The following POU6F2 variants were observed in gnomAD, a reference collection of about 807,000 sequenced individuals.
The protein encoded by POU6F2 is POU domain, class 6, transcription factor 2.
In POU6F2, 31 loss-of-function variants were observed where a neutral mutation model predicts 71.3. The observed-to-expected ratio is 0.43, with a 90% confidence interval of 0.33 to 0.59. The LOEUF is 0.59. Among genes scored for constraint, POU6F2 ranks in the 20% least tolerant of loss-of-function variants. The pLI, the probability that POU6F2 is intolerant of heterozygous loss-of-function variation, is 0.04. For synonymous variants in POU6F2, 347 were observed against 355.7 expected (o/e 0.98, Z 0.27); for missense variants, 783 against 856.8 (o/e 0.91, Z 1.07).
At chr7:39,307,908 T>C (rs1785077891) in intron 4 of POU6F2, among the ~76,000 whole-genome samples, 1 of 150,754 alleles carries the variant, frequency 6.6e-6, no homozygotes, top group South Asian at 2.1e-4. Context: ...TGAGCAGAGA[T>C]CGCGCCACTG....
chr7:39,386,897 T>G (rs1250878165), intron 5 of POU6F2, among the ~76,000 whole-genome samples: 1 of 152,182 alleles, frequency 6.6e-6, no homozygotes, highest in Non-Finnish European at 1.5e-5. Context: ...TAATAGTCAA[T>G]GTCGTGCTCC....
intron 5 of POU6F2, among the ~76,000 whole-genome samples, chr7:39,352,558 G>A (rs111491643): frequency 0.043 from 6,484 of 152,170 alleles, 180 homozygotes; most frequent in African/African-American, 0.078. Flanking sequence ...GTGGTGGTTC[G>A]GAGAAATTCC....
chr7:39,387,300 A>G (rs1786966082), intron 5 of POU6F2, among the ~76,000 whole-genome samples: 1 of 152,212 alleles, frequency 6.6e-6, no homozygotes, highest in Non-Finnish European at 1.5e-5. Flanking sequence ...ACCTACCAGT[A>G]CTAAGAACCA....
chr7:39,327,857 A>G (rs561981409), intron 4 of POU6F2, among the ~76,000 whole-genome samples: 214 of 150,836 alleles, frequency 1.4e-3, no homozygotes, highest in African/African-American at 4.8e-3. Context: ...TTTGTGTCAA[A>G]AAAAAAAAAA....
At chr7:39,309,150 G>T (rs1785107622) in intron 4 of POU6F2, among the ~76,000 whole-genome samples, 1 of 152,322 alleles carries the variant, frequency 6.6e-6, no homozygotes, top group East Asian at 1.9e-4. Context: ...AGGGAGTCGG[G>T]CACAGAATAT....
intron 5 of POU6F2, among the ~76,000 whole-genome samples, chr7:39,364,174 G>C (rs558893062): frequency 5.4e-4 from 82 of 152,166 alleles, no homozygotes; most frequent in African/African-American, 1.9e-3. Flanking sequence ...TCATCCACAG[G>C]AACGGAACAC....
At chr7:39,243,669 G>A (rs1783765361) in intron 4 of POU6F2, among the ~76,000 whole-genome samples, 1 of 151,628 alleles carries the variant, frequency 6.6e-6, no homozygotes. Flanking sequence ...TTTATTCTAG[G>A]AACCAAGACA....
intron 2 of POU6F2, among the ~76,000 whole-genome samples, chr7:39,088,365 C>T (rs373993978): frequency 2.6e-5 from 4 of 152,130 alleles, no homozygotes; most frequent in Admixed American, 6.6e-5. Flanking sequence ...TTCTAGTTTA[C>T]GTAACTGACT....
At chr7:39,127,650 T>G (rs1204663985) in intron 2 of POU6F2, among the ~76,000 whole-genome samples, 1 of 151,832 alleles carries the variant, frequency 6.6e-6, no homozygotes, top group Non-Finnish European at 1.5e-5. Context: ...TGACAAGGTG[T>G]CACATAAGGG....
At position 39,364,929 on chromosome 7, in the gene POU6F2, A is replaced by G. The variant is rs892683358; in HGVS notation, c.972+24914A>G. Among the ~76,000 whole-genome samples, 13 of 151,698 alleles carry G rather than the reference A, an allele frequency of 8.6e-5. No individual in the cohort carries two copies. The South Asian group carries it at 1.0e-3, about 12-fold the overall frequency. The stretch of plus-strand genomic sequence containing the variant: ...GTTAACCACACCCATGCCAACATCT[A>G]TTTTTTTTCTTATTTTTTGATTGTG... On this transcript the variant is annotated intron_variant, in intron 5 of 9. Coordinates refer to ENST00000518318, the MANE Select transcript of POU6F2 (RefSeq NM_001370959.1).
intron 1 of POU6F2, among the ~76,000 whole-genome samples, chr7:39,007,145 C>T (rs751625164): frequency 6.6e-5 from 10 of 152,124 alleles, no homozygotes; most frequent in Admixed American, 5.2e-4. Context: ...TTACTGTTTA[C>T]GTATTTGACC....
intron 1 of POU6F2, among the ~76,000 whole-genome samples, chr7:39,073,060 G>T (rs748386542): frequency 4.8e-4 from 73 of 152,052 alleles, no homozygotes; most frequent in Non-Finnish European, 6.0e-4. Context: ...AATGTTTCTA[G>T]ATCTTTACAT....
intron 2 of POU6F2, among the ~76,000 whole-genome samples, chr7:39,177,253 C>T (rs961005904): frequency 2.0e-4 from 30 of 152,156 alleles, no homozygotes; most frequent in African/African-American, 7.0e-4. Context: ...ACAAGAATTT[C>T]CTTGGGACTT....
At chr7:39,026,292 C>A (rs1434926227) in intron 1 of POU6F2, among the ~76,000 whole-genome samples, 1 of 151,876 alleles carries the variant, frequency 6.6e-6, no homozygotes, top group Admixed American at 6.6e-5. Flanking sequence ...TATAAAGACA[C>A]ATGCACACGT....
chr7:39,277,693 A>AT (rs57103595), intron 4 of POU6F2, among the ~76,000 whole-genome samples: 136,014 of 151,892 alleles, frequency 0.9, 60,987 homozygotes, highest in Middle Eastern at 0.95. Context: ...ACAAACTTTC[A>AT]GAGGTTGGGC....
intron 1 of POU6F2, among the ~76,000 whole-genome samples, chr7:39,014,410 G>T (rs964929357): frequency 4.6e-5 from 7 of 152,168 alleles, no homozygotes; most frequent in Non-Finnish European, 1.5e-5. Flanking sequence ...TACTGAAAAA[G>T]AAGGGGATAA....
At chr7:39,255,874 C>T (rs1784010407) in intron 4 of POU6F2, among the ~76,000 whole-genome samples, 1 of 152,154 alleles carries the variant, frequency 6.6e-6, no homozygotes, top group African/African-American at 2.4e-5. Flanking sequence ...GCCATGAGCT[C>T]CTCCAGGTGA....
chr7:39,261,065 GCACACACACACA>G (rs72377948), intron 4 of POU6F2, among the ~76,000 whole-genome samples: 1 of 147,876 alleles, frequency 6.8e-6, no homozygotes. Flanking sequence ...ATACACACAT[GCACACACACACA>G]CACACACACA....
chr7:39,351,718 G>A (rs531517110), intron 5 of POU6F2, among the ~76,000 whole-genome samples: 5 of 152,152 alleles, frequency 3.3e-5, no homozygotes, highest in Non-Finnish European at 7.4e-5. Flanking sequence ...CTGATGCAGC[G>A]GGTTGCTCAC....
Sources: gnomAD v4.1 joint callset for allele counts (sites outside exome capture counted in the v4.1 genomes callset) on GRCh38, gnomAD v4.1.1 for gene constraint, MANE v1.5 for transcripts, NCBI Gene and HGNC (gene_info 2026-07-23, HGNC 2026-07-21) for gene names.